SETD2: variants seen among roughly 807,000 people sequenced by gnomAD.
The protein encoded by SETD2 is histone-lysine N-methyltransferase SETD2.
Under a neutral mutation model 242.1 loss-of-function variants are expected in SETD2, and 31 were observed. The ratio of observed to expected loss-of-function variants is 0.13; its 90% CI spans 0.10 to 0.17. The LOEUF is 0.17. SETD2 is among the 10% of genes least tolerant of loss of function. The probability of loss-of-function intolerance (pLI) is 1.00; values close to 1 mark genes in which losing one functional copy is unlikely to be tolerated. For missense variants in SETD2, 2,481 were observed against 3,046.3 expected (o/e 0.81, Z 4.37); for synonymous variants, 1,006 against 1,066.5 (o/e 0.94, Z 1.11).
intron 18 of SETD2, among the ~76,000 whole-genome samples, chr3:47,022,549 A>G (rs13066078): frequency 0.95 from 145,025 of 152,270 alleles, 69,497 homozygotes; most frequent in East Asian, 1. Context: ...AGAACAGGGT[A>G]GGGGCTCTGA....
rs775773381 is a variant in SETD2 at position 47,057,191 on chromosome 3, CACACTGGGTCCA to C, written c.6581_6592del (p.Met2194_Cys2198delinsSer). 6.2e-7 allele frequency: 1 copy of C among 1,614,184 alleles called. No individual in the cohort carries two copies. The highest frequency in any genetic ancestry group is 1.1e-5 in the South Asian group (1 of 91,080). On this transcript the variant is annotated inframe_deletion, in exon 15 of 21. Coordinates refer to ENST00000409792, the MANE Select transcript of SETD2 (RefSeq NM_014159.7). Reference sequence around the variant, plus strand: ...AGCATGATCATAAGGAGCAGGAGAACACACTGGGTCCATGCTGGGTGTGGGCAGGAGCACCTT... The same window carrying C: ...AGCATGATCATAAGGAGCAGGAGAACTGCTGGGTGTGGGCAGGAGCACCTT...
At position 47,124,322 on chromosome 3, in the gene SETD2, G is replaced by A. The variant is rs2106725419; in HGVS notation, c.314C>T (p.Ala105Val). 3.9e-6 allele frequency: 6 copies of A among 1,551,780 alleles called. No individual in the cohort carries two copies. Among genetic ancestry groups the A allele is most frequent in the Non-Finnish European group, 5.2e-6 (6 of 1,146,998 alleles). The change falls in exon 3 of 21, where the codon GCT becomes GTT. Residue 105 changes from alanine to valine, a missense_variant. Coordinates refer to ENST00000409792, the MANE Select transcript of SETD2 (RefSeq NM_014159.7). ...EKQSDTPNPP[A>V]VPLQVDSTPK... ...AGTCGAGTCTACCTGAAGAGGTACA[G>A]CTGGAGGGTTTGGAGTATCACTTTG...
At chr3:47,026,797 G>A (rs1485743733) in intron 18 of SETD2, among the ~76,000 whole-genome samples, 2 of 151,970 alleles carry the variant, frequency 1.3e-5, no homozygotes, top group East Asian at 3.9e-4. Context: ...CACACACTGG[G>A]GCCTGTCAGG....
At chr3:47,116,224 A>G (rs1397685345) in intron 4 of SETD2, among the ~76,000 whole-genome samples, 2 of 152,152 alleles carry the variant, frequency 1.3e-5, no homozygotes, top group Non-Finnish European at 2.9e-5. Flanking sequence ...TGACAAAACA[A>G]TGGGACTGAT....
intron 13 of SETD2, among the ~76,000 whole-genome samples, chr3:47,064,914 A>C (rs1360380822): frequency 1.3e-5 from 2 of 152,002 alleles, no homozygotes; most frequent in Non-Finnish European, 2.9e-5. Flanking sequence ...AGGTCGGCAG[A>C]AAAGAGGCTA....
intron 18 of SETD2, among the ~76,000 whole-genome samples, chr3:47,029,308 T>C (rs1452012637): frequency 1.3e-5 from 2 of 151,862 alleles, no homozygotes; most frequent in African/African-American, 4.8e-5. Flanking sequence ...TCCACCTGCT[T>C]TGGCATCCCA....
At chr3:47,116,320 T>A (rs1159676228) in intron 4 of SETD2, among the ~76,000 whole-genome samples, 1 of 152,164 alleles carries the variant, frequency 6.6e-6, no homozygotes, top group Non-Finnish European at 1.5e-5. Flanking sequence ...AATACCAACA[T>A]TTACCTCTAG....
chr3:47,042,766 A>C (rs760195414), intron 16 of SETD2, 66 bp from the exon 17 acceptor site: 80 of 1,390,714 alleles, frequency 5.8e-5, no homozygotes, highest in Non-Finnish European at 7.5e-5. Flanking sequence ...ATAGGACAAA[A>C]TAGCCCACTT....
intron 17 of SETD2, among the ~76,000 whole-genome samples, chr3:47,039,742 A>G (rs1402005667): frequency 6.8e-6 from 1 of 146,074 alleles, no homozygotes; most frequent in Non-Finnish European, 1.5e-5. Context: ...TTAGTTGGGC[A>G]TGGTGGCAGG....
chr3:47,130,173 A>T (rs1428912267), intron 1 of SETD2, among the ~76,000 whole-genome samples: 4 of 152,232 alleles, frequency 2.6e-5, no homozygotes, highest in Non-Finnish European at 5.9e-5. Flanking sequence ...GTAGAAGGCA[A>T]GAAGTTGAGA....
rs1318754770 is a variant in SETD2, at chr3:47,124,098, A to G, written c.538T>C (p.Ser180Pro). The stretch of plus-strand genomic sequence containing the variant: ...GAGGGCGGTGAGTCTACAGTTGTTG[A>G]TTCTGCTATCACTGCTGGTAATGGT... Reference protein sequence around the residue: ...AAPLPAVIAESTTVDSPPSSP... With the variant: ...AAPLPAVIAEPTTVDSPPSSP... The change falls in exon 3 of 21, where the codon TCA (serine) becomes CCA (proline). Residue 180 changes from serine (S) to proline (P), a missense_variant. Ser to Pro is a moderately conservative substitution (Grantham distance 74, BLOSUM62 -1). Around this residue, in one of 17 missense-constraint regions of SETD2, gnomAD observed 334 missense variants for 374.5 expected, o/e 0.89. Coordinates refer to ENST00000409792, the MANE Select transcript of SETD2 (RefSeq NM_014159.7). 1 of 1,551,936 alleles carries G rather than the reference A, an allele frequency of 6.4e-7. No individual in the cohort carries two copies. The highest frequency in any genetic ancestry group is 8.7e-7 in the Non-Finnish European group (1 of 1,147,046).
intron 9 of SETD2, among the ~76,000 whole-genome samples, chr3:47,090,524 G>A (rs1188619305): frequency 2.0e-5 from 3 of 151,966 alleles, no homozygotes; most frequent in Non-Finnish European, 2.9e-5. Context: ...CTGACTAGCT[G>A]GGACTACAGG....
chr3:47,144,591 C>G (rs148238763), intron 1 of SETD2, among the ~76,000 whole-genome samples: 36 of 152,080 alleles, frequency 2.4e-4, no homozygotes, highest in African/African-American at 8.2e-4. Flanking sequence ...TGCACTGAGC[C>G]GAGTTCGCAC....
chr3:47,074,649 C>A (rs1191196509), intron 12 of SETD2, among the ~76,000 whole-genome samples: 1 of 152,202 alleles, frequency 6.6e-6, no homozygotes, highest in Admixed American at 6.5e-5. Context: ...TAGGAGCCCT[C>A]CTGATACCCA....
At chr3:47,094,739 T>C (rs2041939918) in intron 9 of SETD2, among the ~76,000 whole-genome samples, 2 of 152,254 alleles carry the variant, frequency 1.3e-5, no homozygotes, top group African/African-American at 2.4e-5. Context: ...AGGTTCATTC[T>C]GGGATATTCC....
intron 15 of SETD2, among the ~76,000 whole-genome samples, chr3:47,056,145 G>T (rs2040073235): frequency 7.4e-6 from 1 of 134,670 alleles, no homozygotes. Context: ...TTTATTTTGA[G>T]ATGGCATCTT....
intron 5 of SETD2, among the ~76,000 whole-genome samples, chr3:47,113,618 TGC>T (rs1418801962): frequency 6.6e-6 from 1 of 151,958 alleles, no homozygotes; most frequent in Non-Finnish European, 1.5e-5. Context: ...GCGGAAAACT[TGC>T]GGTCAGAGTT....
At chr3:47,040,591 T>TTTTTTTTG (rs2039234839) in intron 17 of SETD2, among the ~76,000 whole-genome samples, 5 of 145,890 alleles carry the variant, frequency 3.4e-5, no homozygotes, top group Admixed American at 1.4e-4. Context: ...TTTTTTTTTT[T>TTTTTTTTG]GGAGACAAGG....
At chr3:47,027,433 G>T (rs544142000) in intron 18 of SETD2, among the ~76,000 whole-genome samples, 2 of 151,760 alleles carry the variant, frequency 1.3e-5, no homozygotes, top group South Asian at 4.1e-4. Flanking sequence ...AAGTGGGAGG[G>T]ATAGCATTAG....
Sources: allele counts gnomAD v4.1 joint callset (sites outside exome capture counted in the v4.1 genomes callset), GRCh38; gene constraint gnomAD v4.1.1; regional missense constraint gnomAD v4.1.1; transcripts MANE v1.5; gene names NCBI Gene and HGNC (gene_info 2026-07-23, HGNC 2026-07-21).